CARF: variants seen among roughly 807,000 people sequenced by gnomAD.
CARF encodes calcium-responsive transcription factor.
CARF carries 57 observed loss-of-function variants against 82.0 expected under a neutral mutation model. That is an observed-to-expected ratio of 0.70 (90% CI 0.56 to 0.87). The LOEUF is 0.87. Ranked by LOEUF, CARF falls within the 40% of genes least tolerant of loss-of-function variation. CARF has a pLI of 0.00. For synonymous variants in CARF, 268 were observed against 290.1 expected (o/e 0.92, Z 0.77); for missense variants, 771 against 855.8 (o/e 0.90, Z 1.24).
chr2:202,968,262 C>A (rs371737951), intron 10 of CARF, among the ~76,000 whole-genome samples: 1 of 152,016 alleles, frequency 6.6e-6, no homozygotes, highest in East Asian at 1.9e-4. Context: ...ATTAGCCAGC[C>A]GTGGTGGCGG....
At chr2:202,946,763 C>T (rs1051141593) in intron 5 of CARF, among the ~76,000 whole-genome samples, 26 of 152,082 alleles carry the variant, frequency 1.7e-4, no homozygotes, top group African/African-American at 5.8e-4. Context: ...GTCTAATATC[C>T]AGAATCTACA....
intron 1 of CARF, among the ~76,000 whole-genome samples, chr2:202,915,924 A>G (rs1689548210): frequency 6.6e-6 from 1 of 152,154 alleles, no homozygotes; most frequent in African/African-American, 2.4e-5. Context: ...TTAAAAATTA[A>G]TATAGGTTAT....
At chr2:202,919,155 A>G (rs957431374) in intron 2 of CARF, among the ~76,000 whole-genome samples, 2 of 152,172 alleles carry the variant, frequency 1.3e-5, no homozygotes, top group African/African-American at 4.8e-5. Context: ...CTCACCTCCA[A>G]GTAAAACTTT....
chr2:202,943,017 T>C (rs756953826), intron 5 of CARF, 50 bp downstream of exon 5: 10 of 1,358,948 alleles, frequency 7.4e-6, no homozygotes, highest in African/African-American at 1.5e-5. Context: ...GCAAAATGTA[T>C]TAGTCTTACT....
chr2:202,940,817 G>T (rs187851903), intron 3 of CARF, among the ~76,000 whole-genome samples: 4 of 152,054 alleles, frequency 2.6e-5, no homozygotes, highest in African/African-American at 7.2e-5. Flanking sequence ...TTTGGAGTTG[G>T]GGGGAGGGGA....
At chr2:202,920,403 C>T (rs990242012) in intron 2 of CARF, among the ~76,000 whole-genome samples, 3 of 152,156 alleles carry the variant, frequency 2.0e-5, no homozygotes, top group Non-Finnish European at 4.4e-5. Context: ...GATCCGCCCG[C>T]CTCGGCCTCC....
At chr2:202,966,357 T>G (rs1219609247) in intron 9 of CARF, among the ~76,000 whole-genome samples, 1 of 152,170 alleles carries the variant, frequency 6.6e-6, no homozygotes, top group African/African-American at 2.4e-5. Context: ...AAAATTTAAA[T>G]GATACCAATA....
chr2:202,919,458 C>G (rs1355504722), intron 2 of CARF, among the ~76,000 whole-genome samples: 3 of 152,150 alleles, frequency 2.0e-5, no homozygotes, highest in Non-Finnish European at 4.4e-5. Context: ...GCTATTGGCA[C>G]TTTTTACAAC....
chr2:202,964,900 T>TATATAC (rs774903348), intron 9 of CARF, among the ~76,000 whole-genome samples: 41 of 146,066 alleles, frequency 2.8e-4, no homozygotes, highest in South Asian at 6.4e-4. Context: ...TATATATATA[T>TATATAC]ACACACACAC....
At chr2:202,917,210 CAAAAAAAA>C (rs71034203) in intron 1 of CARF, among the ~76,000 whole-genome samples, 2 of 47,012 alleles carry the variant, frequency 4.3e-5, no homozygotes, top group Non-Finnish European at 6.9e-5. Flanking sequence ...GACTCCGTCT[CAAAAAAAA>C]AAAAAAAAAA....
chr2:202,969,874 A>G, intron 10 of CARF, 45 bp from the exon 11 acceptor site: 1 of 1,218,060 alleles, frequency 8.2e-7, no homozygotes, highest in South Asian at 1.7e-5. Context: ...GATTATCTTG[A>G]GATTATAATA....
At position 202,941,890 on chromosome 2, in the gene CARF, A is replaced by T. The variant is rs184892301; in HGVS notation, c.-13A>T. The T allele has an allele frequency of 1.9e-6, 3 of 1,604,750 alleles. No homozygotes were observed. Among genetic ancestry groups the T allele is most frequent in the African/African-American group, 1.3e-5 (1 of 74,806 alleles). On this transcript the variant is annotated 5_prime_UTR_variant, in exon 4 of 17. Coordinates refer to ENST00000438828, the MANE Select transcript of CARF (RefSeq NM_024744.17). ...AAATAATAGAAGAAAATGGAATTGA[A>T]TATGATGTCAGCATGGAACAATCTA...
intron 2 of CARF, among the ~76,000 whole-genome samples, chr2:202,920,408 G>A (rs1186190584): frequency 6.6e-6 from 1 of 152,056 alleles, no homozygotes; most frequent in Non-Finnish European, 1.5e-5. Flanking sequence ...GCCCGCCTCG[G>A]CCTCCCAAAG....
chr2:202,969,893 C>G (rs757485189), intron 10 of CARF, 26 bp from the exon 11 acceptor site: 1 of 1,361,418 alleles, frequency 7.3e-7, no homozygotes, highest in Non-Finnish European at 9.9e-7. Context: ...TATAATGAAA[C>G]AAATTCTTCT....
intron 1 of CARF, among the ~76,000 whole-genome samples, chr2:202,916,288 C>T (rs142947201): frequency 0.011 from 1,639 of 152,170 alleles, 29 homozygotes; most frequent in African/African-American, 0.037. Context: ...TCAAGCGATT[C>T]TCCTGCCTCA....
Position 202,982,403 on chromosome 2 carries a change from C to T in CARF, c.2021C>T (p.Thr674Ile), listed in dbSNP as rs1311078720. ...VHRILLGDVQ[T>I]IPIQIIDNHS... Reference sequence around the variant, plus strand: ...CGGATTCTGTTGGGAGATGTGCAGACTATTCCAATACAGATTATAGACAAC... The same window carrying T: ...CGGATTCTGTTGGGAGATGTGCAGATTATTCCAATACAGATTATAGACAAC... Residue 674 changes from threonine (T) to isoleucine (I), a missense_variant, in exon 16 of 17, where the codon ACT becomes ATT. By Grantham distance (89) the Thr-to-Ile change is moderately conservative. Coordinates refer to ENST00000438828, the MANE Select transcript of CARF (RefSeq NM_024744.17). 6.2e-7 allele frequency: 1 copy of T among 1,614,024 alleles called. No homozygotes were observed. Among genetic ancestry groups the T allele is most frequent in the Admixed American group, 1.7e-5 (1 of 60,016 alleles).
chr2:202,935,293 ATATAT>A (rs1274625416), intron 3 of CARF, among the ~76,000 whole-genome samples: 27 of 129,672 alleles, frequency 2.1e-4, no homozygotes, highest in Non-Finnish European at 3.2e-4. Flanking sequence ...TTCTACTTAT[ATATAT>A]TATATTTATA....
rs1282532157 is a variant in CARF, at chr2:202,912,556, C to T, written c.-876C>T. On this transcript the variant is annotated 5_prime_UTR_variant, in exon 1 of 17. Coordinates refer to ENST00000438828, the MANE Select transcript of CARF (RefSeq NM_024744.17). The stretch of plus-strand genomic sequence containing the variant: ...AGCAACTGCCGGCCTCCGCCCCCAG[C>T]CGCAGCCGGTCACTGGCGGCGCCTT... 3 of 151,608 alleles carry T rather than the reference C, an allele frequency of 2.0e-5. No homozygotes were observed. Among genetic ancestry groups the T allele is most frequent in the African/African-American group, 7.3e-5 (3 of 41,334 alleles). The allele number at this position is 151,608 out of a possible 1,614,324, so 9.4% of individuals were successfully genotyped here.
At chr2:202,970,153 A>T (rs923180501) in intron 11 of CARF, 91 bp downstream of exon 11, 1 of 1,202,288 alleles carries the variant, frequency 8.3e-7, no homozygotes, top group African/African-American at 1.6e-5. Context: ...TTTTCCAACT[A>T]TTTCATTAAG....
Sources: gnomAD v4.1 joint callset for allele counts (sites outside exome capture counted in the v4.1 genomes callset) on GRCh38, gnomAD v4.1.1 for gene constraint, MANE v1.5 for transcripts, NCBI Gene and HGNC (gene_info 2026-07-23, HGNC 2026-07-21) for gene names.